The following MAN1A2 variants were observed in gnomAD, a reference collection of about 807,000 sequenced individuals.
MAN1A2 encodes mannosidase alpha class 1A member 2.
Under a neutral mutation model 75.7 loss-of-function variants are expected in MAN1A2, and 26 were observed. That is an observed-to-expected ratio of 0.34 (90% CI 0.25 to 0.48). The LOEUF is 0.48. Ranked by LOEUF, MAN1A2 falls within the 20% of genes least tolerant of loss-of-function variation. MAN1A2 has a pLI of 0.99. For missense variants in MAN1A2, 562 were observed against 775.5 expected (o/e 0.72, Z 3.27); for synonymous variants, 247 against 264.6 (o/e 0.93, Z 0.65).
At chr1:117,511,037 A>C (rs1651517808) in intron 12 of MAN1A2, among the ~76,000 whole-genome samples, 1 of 152,098 alleles carries the variant, frequency 6.6e-6, no homozygotes, top group South Asian at 2.1e-4. Flanking sequence ...ATTGACTCAC[A>C]GTTCTGCATA....
chr1:117,414,136 G>A (rs1647911207), intron 3 of MAN1A2, among the ~76,000 whole-genome samples: 2 of 151,030 alleles, frequency 1.3e-5, no homozygotes, highest in Non-Finnish European at 3.0e-5. Flanking sequence ...CTCATATTTT[G>A]TTTGATGGTT....
intron 5 of MAN1A2, among the ~76,000 whole-genome samples, chr1:117,433,688 C>T (rs1015633855): frequency 6.6e-6 from 1 of 152,060 alleles, no homozygotes; most frequent in African/African-American, 2.4e-5. Context: ...TCTGTGTAGC[C>T]AGGAATGCCA....
At chr1:117,415,927 C>G (rs529148721) in intron 4 of MAN1A2, among the ~76,000 whole-genome samples, 1 of 152,108 alleles carries the variant, frequency 6.6e-6, no homozygotes, top group Admixed American at 6.6e-5. Flanking sequence ...ACAGCCTCAA[C>G]TAACTCCAAA....
chr1:117,524,904 G>A lies in MAN1A2; in HGVS notation c.*1947G>A, dbSNP rs763830858. ...TAGAAGGGAAAAGGGAAAGTATTTG[G>A]TTCTAAAAAATGTTAGCCTTCCTCG... On this transcript the variant is annotated 3_prime_UTR_variant, in exon 13 of 13. Transcript: ENST00000356554. 2.7e-5 allele frequency: 9 copies of A among 327,310 alleles called. No homozygotes were observed. The highest frequency in any genetic ancestry group is 4.9e-5 in the Non-Finnish European group (8 of 164,050). 20.3% of individuals were successfully genotyped at this position (327,310 alleles called of 1,614,324 possible).
In MAN1A2 at chr1:117,418,743, A is replaced by G. The variant is rs556233737; in HGVS notation, c.775-1826A>G. Among the ~76,000 whole-genome samples, 7 of 151,806 alleles carry G rather than the reference A, an allele frequency of 4.6e-5. No homozygotes were observed. In the East Asian group the frequency reaches 9.7e-4, roughly 21 times the overall value. On this transcript the variant is annotated intron_variant, in intron 4 of 12. Coordinates refer to ENST00000356554, the MANE Select transcript of MAN1A2 (RefSeq NM_006699.5). Reference sequence around the variant, plus strand: ...CTTCTTTCAAAAATGTCTCTATCCTATTTTTCCGTTCTGTCCCTCTAGAAT... The same window carrying G: ...CTTCTTTCAAAAATGTCTCTATCCTGTTTTTCCGTTCTGTCCCTCTAGAAT...
intron 1 of MAN1A2, among the ~76,000 whole-genome samples, chr1:117,383,439 A>C (rs1653420261): frequency 6.6e-6 from 1 of 152,156 alleles, no homozygotes; most frequent in South Asian, 2.1e-4. Flanking sequence ...GTCTTTGGCT[A>C]GCTTTGGTAT....
At chr1:117,394,141 G>C (rs1653831372) in intron 1 of MAN1A2, among the ~76,000 whole-genome samples, 1 of 151,750 alleles carries the variant, frequency 6.6e-6, no homozygotes, top group Non-Finnish European at 1.5e-5. Flanking sequence ...GAGTGCAGTG[G>C]CGCAGTCTTG....
chr1:117,520,382 G>T (rs1651837932), intron 12 of MAN1A2, among the ~76,000 whole-genome samples: 1 of 151,982 alleles, frequency 6.6e-6, no homozygotes, highest in Admixed American at 6.6e-5. Flanking sequence ...CAAACTGTCA[G>T]TGTTTGCTGA....
chr1:117,434,941 G>A (rs10923292), intron 5 of MAN1A2, among the ~76,000 whole-genome samples: 24,146 of 151,812 alleles, frequency 0.16, 2,302 homozygotes, highest in African/African-American at 0.24. Context: ...TACGTGGAGG[G>A]GGGTATAAAA....
chr1:117,429,100 A>C (rs1259876303), intron 5 of MAN1A2, among the ~76,000 whole-genome samples: 11 of 147,924 alleles, frequency 7.4e-5, no homozygotes, highest in African/African-American at 2.5e-4. Context: ...CACATGTTTC[A>C]GGGAGCACAG....
intron 6 of MAN1A2, among the ~76,000 whole-genome samples, chr1:117,453,552 G>A (rs1298806128): frequency 1.3e-5 from 2 of 152,140 alleles, no homozygotes; most frequent in African/African-American, 4.8e-5. Context: ...GCCTGAAGAT[G>A]GGACCAAATT....
At chr1:117,472,205 CTT>C (rs1258777988) in intron 8 of MAN1A2, among the ~76,000 whole-genome samples, 2 of 151,840 alleles carry the variant, frequency 1.3e-5, no homozygotes, top group Non-Finnish European at 2.9e-5. Flanking sequence ...TCTATGTCCT[CTT>C]ATCAATAAAT....
At chr1:117,500,506 T>G (rs1301951669) in intron 11 of MAN1A2, among the ~76,000 whole-genome samples, 1 of 151,822 alleles carries the variant, frequency 6.6e-6, no homozygotes, top group Non-Finnish European at 1.5e-5. Flanking sequence ...AGCAAAAGGA[T>G]CTGATTGTAA....
At chr1:117,405,214 C>G (rs1647574444) in intron 2 of MAN1A2, among the ~76,000 whole-genome samples, 1 of 152,060 alleles carries the variant, frequency 6.6e-6, no homozygotes. Flanking sequence ...GTGGTAGAAG[C>G]AGAGCCTCTT....
rs568876237 is a variant in MAN1A2 at position 117,522,287 on chromosome 1, A to G, written c.1794-538A>G. Among the ~76,000 whole-genome samples the G allele has an allele frequency of 2.6e-4, 40 of 152,014 alleles. No individual in the cohort carries two copies. The South Asian group carries it at 8.1e-3, about 31-fold the overall frequency. On this transcript the variant is annotated intron_variant, in intron 12 of 12. Coordinates refer to ENST00000356554, the MANE Select transcript of MAN1A2 (RefSeq NM_006699.5). Reference sequence around the variant, plus strand: ...TCAACTCTAACAACAAATTACATAGATAATATGTTATGACTAAATGGGTTT... The same window carrying G: ...TCAACTCTAACAACAAATTACATAGGTAATATGTTATGACTAAATGGGTTT...
chr1:117,502,840 T>A lies in MAN1A2; in HGVS notation c.1678-15T>A. 7.3e-7 allele frequency: 1 copy of A among 1,372,368 alleles called. No homozygotes were observed. The highest frequency in any genetic ancestry group is 1.0e-6 in the Non-Finnish European group (1 of 967,662). The allele number at this position is 1,372,368 out of a possible 1,614,324, so 85.0% of individuals were successfully genotyped here. On this transcript the variant is annotated splice_polypyrimidine_tract_variant and intron_variant, in intron 11 of 12. Coordinates refer to ENST00000356554, the MANE Select transcript of MAN1A2 (RefSeq NM_006699.5). ...ATTCTACGGAATTGCTTATTTTGTC[T>A]GATCTCTTTCATAGGCCATTGAAAA...
intron 8 of MAN1A2, among the ~76,000 whole-genome samples, chr1:117,477,373 A>T (rs1325535178): frequency 6.6e-6 from 1 of 152,074 alleles, no homozygotes; most frequent in Non-Finnish European, 1.5e-5. Flanking sequence ...ATGAACATCG[A>T]TGCAAAAATC....
chr1:117,379,279 A>C (rs1653254106), intron 1 of MAN1A2, among the ~76,000 whole-genome samples: 1 of 151,850 alleles, frequency 6.6e-6, no homozygotes, highest in Admixed American at 6.6e-5. Context: ...CTGCAATATA[A>C]ATTTTCATAT....
intron 1 of MAN1A2, among the ~76,000 whole-genome samples, chr1:117,389,350 G>T (rs1653644446): frequency 6.6e-6 from 1 of 152,148 alleles, no homozygotes; most frequent in African/African-American, 2.4e-5. Flanking sequence ...GGGTGAAACT[G>T]TTCCACTTCA....
Sources: gnomAD v4.1 joint callset for allele counts (sites outside exome capture counted in the v4.1 genomes callset) on GRCh38, gnomAD v4.1.1 for gene constraint, MANE v1.5 for transcripts, NCBI Gene and HGNC (gene_info 2026-07-23, HGNC 2026-07-21) for gene names.